Variants in AKAIN1 observed in about 807,000 individuals in gnomAD.
The protein encoded by AKAIN1 is A-kinase anchor protein inhibitor 1.
Under a neutral mutation model 3.7 loss-of-function variants are expected in AKAIN1, and 3 were observed. That is an observed-to-expected ratio of 0.82 (90% CI 0.37 to 2.12). The LOEUF is 2.12. Among genes scored for constraint, AKAIN1 ranks in the 30% most tolerant of loss-of-function variants. AKAIN1 has a pLI of 0.06. For missense variants in AKAIN1, 82 were observed against 82.7 expected (o/e 0.99, Z 0.03); for synonymous variants, 31 against 30.8 (o/e 1.01, Z -0.02).
intron 1 of AKAIN1, among the ~76,000 whole-genome samples, chr18:5,150,115 T>C (rs777685483): frequency 6.6e-6 from 1 of 152,248 alleles, no homozygotes; most frequent in Non-Finnish European, 1.5e-5. Flanking sequence ...CTCCATTGCC[T>C]TGGCAAAGCA....
At chr18:5,197,516 A>AAAAAAAAAAAT, upstream of AKAIN1, 2 of 1,211,856 alleles carry the variant, frequency 1.7e-6, no homozygotes, top group Non-Finnish European at 2.1e-6. The surrounding 1 kb of genome is among the most constrained non-coding windows in gnomAD (Gnocchi z 6.9). Flanking sequence ...AAAAAAAAAA[A>AAAAAAAAAAAT]CTCTAAGAGC....
intron 1 of AKAIN1, among the ~76,000 whole-genome samples, chr18:5,191,042 A>T (rs2071315407): frequency 6.6e-6 from 1 of 152,196 alleles, no homozygotes; most frequent in African/African-American, 2.4e-5. Context: ...CCTAATAAAA[A>T]GTATCCACAA....
At chr18:5,189,098 G>GCCA (rs1427615163) in intron 1 of AKAIN1, among the ~76,000 whole-genome samples, 2 of 152,198 alleles carry the variant, frequency 1.3e-5, no homozygotes, top group Non-Finnish European at 2.9e-5. Context: ...GGCTGGAGCA[G>GCCA]CCAAGGAGAG....
chr18:5,165,359 G>A (rs1209450083), intron 1 of AKAIN1, among the ~76,000 whole-genome samples: 1 of 151,908 alleles, frequency 6.6e-6, no homozygotes, highest in African/African-American at 2.4e-5. Flanking sequence ...ACTCCAAAGG[G>A]GGTAGGAGAC....
intron 1 of AKAIN1, among the ~76,000 whole-genome samples, chr18:5,160,023 G>A (rs1219838896): frequency 2.0e-5 from 3 of 152,152 alleles, no homozygotes; most frequent in Non-Finnish European, 4.4e-5. Context: ...AATTTGGCTT[G>A]ATTCCAGTTT....
chr18:5,168,182 A>G (rs2071177208), intron 1 of AKAIN1, among the ~76,000 whole-genome samples: 1 of 152,160 alleles, frequency 6.6e-6, no homozygotes, highest in African/African-American at 2.4e-5. Context: ...GATGTGAATG[A>G]GTAGTCTCCA....
At chr18:5,192,454 T>TC (rs1167353439) in intron 1 of AKAIN1, among the ~76,000 whole-genome samples, 6 of 109,440 alleles carry the variant, frequency 5.5e-5, no homozygotes, top group Non-Finnish European at 1.1e-4. Context: ...TCTTTTTCTT[T>TC]TCTTTGGTAG....
At chr18:5,189,523 T>G (rs2071307054) in intron 1 of AKAIN1, among the ~76,000 whole-genome samples, 1 of 152,180 alleles carries the variant, frequency 6.6e-6, no homozygotes, top group East Asian at 1.9e-4. Context: ...CCATGCCAGA[T>G]ATCCTAATTC....
chr18:5,150,580 T>C (rs2849227), intron 1 of AKAIN1, among the ~76,000 whole-genome samples: 3,042 of 152,244 alleles, frequency 0.02, 101 homozygotes, highest in African/African-American at 0.069. Flanking sequence ...CACCTCGGAT[T>C]TTTACTTGCC....
chr18:5,144,731 G>A lies in AKAIN1; in HGVS notation c.*831C>T, dbSNP rs12963531. On this transcript the variant is annotated 3_prime_UTR_variant, in exon 2 of 2. Transcript: ENST00000434239. Reference sequence around the variant, plus strand: ...TGTTGCACCCCATAATCAGCCCCAAGTGTAAGTCTCTTAATGATAGGCAGC... The same window carrying A: ...TGTTGCACCCCATAATCAGCCCCAAATGTAAGTCTCTTAATGATAGGCAGC... 0.2 allele frequency among the ~76,000 whole-genome samples: 30,189 copies of A among 152,160 alleles called. 3,177 individuals carry two copies. Among genetic ancestry groups the A allele is most frequent in the South Asian group, 0.32 (1,549 of 4,826 alleles).
chr18:5,193,065 CAATGTGTCAGG>C (rs1284182488), intron 1 of AKAIN1, among the ~76,000 whole-genome samples: 2 of 152,034 alleles, frequency 1.3e-5, no homozygotes, highest in Admixed American at 1.3e-4. Flanking sequence ...GTTTATTTAT[CAATGTGTCAGG>C]AATTTGTTAA....
chr18:5,158,683 A>G (rs768616653), intron 1 of AKAIN1, among the ~76,000 whole-genome samples: 1 of 152,216 alleles, frequency 6.6e-6, no homozygotes, highest in Non-Finnish European at 1.5e-5. Flanking sequence ...ACCATTTGCC[A>G]TGACAACATT....
At chr18:5,149,384 T>C (rs1028507553) in intron 1 of AKAIN1, among the ~76,000 whole-genome samples, 1 of 152,218 alleles carries the variant, frequency 6.6e-6, no homozygotes, top group Non-Finnish European at 1.5e-5. Flanking sequence ...CCTTAAGCTA[T>C]GGCAGAGGGG....
At position 5,143,440 on chromosome 18, in the gene AKAIN1, G is replaced by C. The variant is rs2071031945; in HGVS notation, c.*2122C>G. ...TCTACCTTCCAGACCCACTTACCTTGAATTTTTTAGATCAAAAGACCACTT... is the reference window on the plus strand; with the variant it reads ...TCTACCTTCCAGACCCACTTACCTTCAATTTTTTAGATCAAAAGACCACTT... On this transcript the variant is annotated 3_prime_UTR_variant, in exon 2 of 2. Transcript: ENST00000434239. Among the ~76,000 whole-genome samples the C allele has an allele frequency of 6.6e-6, 1 of 152,038 alleles. No homozygotes were observed. Among genetic ancestry groups the C allele is most frequent in the Non-Finnish European group, 1.5e-5 (1 of 68,008 alleles).
chr18:5,149,279 A>G (rs182177967), intron 1 of AKAIN1, among the ~76,000 whole-genome samples: 9 of 152,336 alleles, frequency 5.9e-5, no homozygotes, highest in African/African-American at 1.9e-4. Context: ...AGCACTTAAC[A>G]GATAATACAT....
chr18:5,184,572 GAATGCAATCCCATTCAC>G (rs2071276739), intron 1 of AKAIN1, among the ~76,000 whole-genome samples: 2 of 151,906 alleles, frequency 1.3e-5, no homozygotes, highest in African/African-American at 4.8e-5. Flanking sequence ...GCCAAATTGA[GAATGCAATCCCATTCAC>G]AATAGACACA....
At chr18:5,157,839 G>T (rs364700) in intron 1 of AKAIN1, among the ~76,000 whole-genome samples, 117,877 of 151,972 alleles carry the variant, frequency 0.78, 46,612 homozygotes, top group African/African-American at 0.94. Context: ...TGCATGCTAC[G>T]ACCACCAGCT....
At chr18:5,152,417 A>G (rs1306852825) in intron 1 of AKAIN1, among the ~76,000 whole-genome samples, 1 of 152,078 alleles carries the variant, frequency 6.6e-6, no homozygotes, top group Non-Finnish European at 1.5e-5. Flanking sequence ...TGACCAATCA[A>G]CTATCTCCAA....
At chr18:5,193,335 T>G (rs2071332141) in intron 1 of AKAIN1, among the ~76,000 whole-genome samples, 1 of 152,178 alleles carries the variant, frequency 6.6e-6, no homozygotes, top group Admixed American at 6.5e-5. Flanking sequence ...TCACCTGACT[T>G]GAAGGCAATC....
Sources: allele counts gnomAD v4.1 joint callset (sites outside exome capture counted in the v4.1 genomes callset), GRCh38; gene constraint gnomAD v4.1.1; non-coding constraint Gnocchi (gnomAD v3.1); transcripts MANE v1.5; gene names NCBI Gene and HGNC (gene_info 2026-07-23, HGNC 2026-07-21).